The following ASTN1 variants were observed in gnomAD, a reference collection of about 807,000 sequenced individuals.
ASTN1 encodes astrotactin 1, also known as astrotactin-1.
A neutral mutation model predicts 140.7 loss-of-function variants in ASTN1; 41 were observed. The observed-to-expected ratio is 0.29, with a 90% confidence interval of 0.23 to 0.38. The LOEUF (loss-of-function observed/expected upper bound fraction) is 0.38, where lower values mean the gene tolerates loss of function less well. Among genes scored for constraint, ASTN1 ranks in the 10% least tolerant of loss-of-function variants. The probability of loss-of-function intolerance (pLI) is 1.00; values close to 1 mark genes in which losing one functional copy is unlikely to be tolerated. For synonymous variants in ASTN1, 640 were observed against 652.2 expected, an observed-to-expected ratio of 0.98 and a Z score of 0.29; for missense variants, 1,479 against 1,678.8, an observed-to-expected ratio of 0.88 and a Z score of 2.08.
At chr1:176,899,129 T>C (rs1385899069) in intron 16 of ASTN1, among the ~76,000 whole-genome samples, 1 of 152,302 alleles carries the variant, frequency 6.6e-6, no homozygotes, top group East Asian at 1.9e-4. Flanking sequence ...CTGCAAAGCA[T>C]TTTGCAAATA....
At chr1:177,113,977 A>G (rs2102161984) in intron 1 of ASTN1, among the ~76,000 whole-genome samples, 1 of 152,298 alleles carries the variant, frequency 6.6e-6, no homozygotes, top group Middle Eastern at 3.4e-3. Flanking sequence ...CTCATAGGGG[A>G]CTGAGCTTCA....
At chr1:176,933,888 C>T (rs1187972287) in intron 16 of ASTN1, among the ~76,000 whole-genome samples, 1 of 152,160 alleles carries the variant, frequency 6.6e-6, no homozygotes, top group African/African-American at 2.4e-5. Flanking sequence ...TGGCAAGAAC[C>T]TTTAGAGGAC....
chr1:177,108,274 G>A (rs892716825), intron 1 of ASTN1, among the ~76,000 whole-genome samples: 9 of 150,876 alleles, frequency 6.0e-5, no homozygotes, highest in African/African-American at 1.7e-4. Context: ...GCTTGGACCC[G>A]GGAGGTGGAG....
intron 1 of ASTN1, among the ~76,000 whole-genome samples, chr1:177,117,308 T>C (rs1397936018): frequency 6.6e-6 from 1 of 152,144 alleles, no homozygotes; most frequent in Non-Finnish European, 1.5e-5. Flanking sequence ...CTCCCACAGG[T>C]ATTCTTTACA....
intron 16 of ASTN1, among the ~76,000 whole-genome samples, chr1:176,919,614 A>C (rs1670645057): frequency 6.6e-6 from 1 of 152,238 alleles, no homozygotes; most frequent in Non-Finnish European, 1.5e-5. Flanking sequence ...AGTTGTAAAC[A>C]AGTAGAGACA....
Position 177,055,870 on chromosome 1 carries a change from C to T in ASTN1, c.471+5208G>A, listed in dbSNP as rs147262846. 6.6e-3 allele frequency among the ~76,000 whole-genome samples: 1,000 copies of T among 152,310 alleles called. 3 individuals carry two copies. The highest frequency in any genetic ancestry group is 0.01 in the Admixed American group (160 of 15,302). ...TTGTTAATGAGTTTTTGTAACAGAT[C>T]TGCTGAAGGCAAAAGGCGCTGACAA... On this transcript the variant is annotated intron_variant, in intron 2 of 22. Transcript: ENST00000361833.
chr1:176,885,864 A>G (rs968762610), intron 18 of ASTN1, among the ~76,000 whole-genome samples: 2 of 152,156 alleles, frequency 1.3e-5, no homozygotes, highest in African/African-American at 4.8e-5. Flanking sequence ...ATTATAGTAG[A>G]CTGTGGACAC....
At position 176,864,106 on chromosome 1, in the gene ASTN1, G is replaced by A; in HGVS notation, c.*178C>T. On this transcript the variant is annotated 3_prime_UTR_variant, in exon 23 of 23. Transcript: ENST00000361833. ...TGGCAGATTTCCCAATCATGCAGAT[G>A]GAGAACATCATACTGAAGAAGTTCT... 7.0e-7 allele frequency: 1 copy of A among 1,436,972 alleles called. No homozygotes were observed. Among genetic ancestry groups the A allele is most frequent in the Non-Finnish European group, 9.1e-7 (1 of 1,098,680 alleles). 89.0% of individuals were successfully genotyped at this position (1,436,972 alleles called of 1,614,324 possible).
At chr1:176,945,794 G>C in intron 13 of ASTN1, 132 bp downstream of exon 13, 1 of 824,628 alleles carries the variant, frequency 1.2e-6, no homozygotes. Context: ...CCAAGGGTAA[G>C]AATGTAGTCT....
intron 1 of ASTN1, among the ~76,000 whole-genome samples, chr1:177,155,739 G>T (rs1328058516): frequency 6.6e-6 from 1 of 152,124 alleles, no homozygotes; most frequent in Non-Finnish European, 1.5e-5. Context: ...ATGTTAATTA[G>T]GTAATGATAA....
intron 8 of ASTN1, among the ~76,000 whole-genome samples, chr1:176,972,743 C>T (rs906017869): frequency 3.9e-5 from 6 of 152,040 alleles, no homozygotes; most frequent in Non-Finnish European, 5.9e-5. Flanking sequence ...TATTTAATGT[C>T]TATTAGTAGA....
At chr1:176,953,809 A>G (rs530101989) in intron 11 of ASTN1, among the ~76,000 whole-genome samples, 4 of 152,270 alleles carry the variant, frequency 2.6e-5, no homozygotes, top group African/African-American at 7.2e-5. Flanking sequence ...GAAAGTGGGC[A>G]CCCGATTTCT....
intron 2 of ASTN1, among the ~76,000 whole-genome samples, chr1:177,052,193 C>T (rs1677574389): frequency 6.6e-6 from 1 of 152,126 alleles, no homozygotes; most frequent in Admixed American, 6.6e-5. Context: ...AAGCACAATC[C>T]TCTAGGACTC....
chr1:176,957,672 A>C lies in ASTN1; in HGVS notation c.1887+6T>G. 1 of 1,613,824 alleles carries C rather than the reference A, an allele frequency of 6.2e-7. No individual in the cohort carries two copies. Among genetic ancestry groups the C allele is most frequent in the Non-Finnish European group, 8.5e-7 (1 of 1,179,886 alleles). ...CAGAAACTACTAGCTTGCAGGGCAG[A>C]CCTACCACGCAACCAGTGGAGTCCA... On this transcript the variant is annotated splice_donor_region_variant and intron_variant, in intron 11 of 22. Coordinates refer to ENST00000361833, the MANE Select transcript of ASTN1 (RefSeq NM_004319.3).
chr1:176,958,244 T>G, intron 10 of ASTN1, 101 bp downstream of exon 10: 2 of 1,567,676 alleles, frequency 1.3e-6, no homozygotes, highest in Non-Finnish European at 1.7e-6. Flanking sequence ...TTTTTCCTTT[T>G]AGCTTGTTGG....
Position 177,046,441 on chromosome 1 carries a change from G to A in ASTN1, c.472-13592C>T, listed in dbSNP as rs561215973. Among the ~76,000 whole-genome samples the A allele has an allele frequency of 7.1e-4, 108 of 152,274 alleles. 2 individuals carry two copies. In the Middle Eastern group the frequency reaches 0.014, roughly 19 times the overall value. ...GTGACACTGTAGTAGAAGTGTGAAA[G>A]CAGCCACTGAGGACAGGAAAATGAG... is the stretch of plus-strand genomic sequence containing the variant. On this transcript the variant is annotated intron_variant, in intron 2 of 22. Transcript: ENST00000361833.
chr1:176,911,830 G>T (rs1025783135), intron 16 of ASTN1, among the ~76,000 whole-genome samples: 1 of 152,164 alleles, frequency 6.6e-6, no homozygotes, highest in African/African-American at 2.4e-5. Context: ...TTATTATCAG[G>T]TATTACGTAC....
chr1:176,898,947 T>A (rs76990554), intron 16 of ASTN1, among the ~76,000 whole-genome samples: 4,073 of 152,284 alleles, frequency 0.027, 164 homozygotes, highest in African/African-American at 0.09. Context: ...CAAAATCTTA[T>A]AATTGACAAA....
rs573573309 is a variant in ASTN1 at position 176,888,994 on chromosome 1, G to A, written c.2941-790C>T. Among the ~76,000 whole-genome samples, 6 of 152,300 alleles carry A rather than the reference G, an allele frequency of 3.9e-5. No individual in the cohort carries two copies. In the East Asian group the frequency reaches 1.2e-3, roughly 29 times the overall value. ...ATAGTACCTGGAACACATTAGTCAC[G>A]AATAAATGCCAGCAATTATTATTGC... is the stretch of plus-strand genomic sequence containing the variant. On this transcript the variant is annotated intron_variant, in intron 17 of 22. Transcript: ENST00000361833.
Sources: allele counts gnomAD v4.1 joint callset (sites outside exome capture counted in the v4.1 genomes callset), GRCh38; gene constraint gnomAD v4.1.1; transcripts MANE v1.5; gene names NCBI Gene and HGNC (gene_info 2026-07-23, HGNC 2026-07-21).